The following CYB5R3 variants were observed in gnomAD, a reference collection of about 807,000 sequenced individuals.
The protein encoded by CYB5R3 is NADH-cytochrome b5 reductase 3.
Under a neutral mutation model 36.5 loss-of-function variants are expected in CYB5R3, and 28 were observed. That is an observed-to-expected ratio of 0.77 (90% confidence interval 0.57 to 1.05). The LOEUF is 1.05. Among genes scored for constraint, CYB5R3 ranks in the 50% least tolerant of loss-of-function variants. The probability of loss-of-function intolerance (pLI) is 0.00; values close to 1 mark genes in which losing one functional copy is unlikely to be tolerated. For missense variants in CYB5R3, 474 were observed against 408.9 expected (o/e 1.16, Z -1.37); for synonymous variants, 181 against 159.8 (o/e 1.13, Z -1.00).
Position 42,640,233 on chromosome 22 carries a change from T to C in CYB5R3, c.22-3387A>G, listed in dbSNP as rs769780072. ...AGTAAGTCACAGCAGCATTCACCAG[T>C]GCTGGGGTCTTCTCCACAAGGTTAC... is the stretch of plus-strand genomic sequence containing the variant. On this transcript the variant is annotated intron_variant, in intron 1 of 8. Transcript: ENST00000352397. 48 of 1,588,826 alleles carry C rather than the reference T, an allele frequency of 3.0e-5. No homozygotes were observed. In the African/African-American group the frequency reaches 4.7e-4, roughly 16 times the overall value.
chr22:42,631,333 G>A (rs1928604716), intron 3 of CYB5R3, 45 bp downstream of exon 3: 15 of 1,519,000 alleles, frequency 9.9e-6, no homozygotes, highest in Non-Finnish European at 1.3e-5. Flanking sequence ...TAGTGCCCCA[G>A]CAGCCTGCCG....
At chr22:42,639,827 G>T in intron 1 of CYB5R3, 2 of 1,025,832 alleles carry the variant, frequency 1.9e-6, no homozygotes, top group Non-Finnish European at 2.7e-6. Flanking sequence ...AACATGGGTT[G>T]GAACTGCTTG....
rs76854423 is a variant in CYB5R3, at chr22:42,640,350, CTTATTTATTTATTTAT to C, written c.22-3520_22-3505del. 6.8e-3 allele frequency: 3,259 copies of C among 476,976 alleles called. 185 individuals carry two copies. Among genetic ancestry groups the C allele is most frequent in the African/African-American group, 0.028 (1,276 of 46,350 alleles). The allele number at this position is 476,976 out of a possible 1,614,324, so 29.5% of individuals were successfully genotyped here. A position where few individuals can be genotyped will look rare whatever the true frequency, so the allele number is the denominator to read the frequency against. Reference sequence around the variant, plus strand: ...CCCCGGAAGGACCCTGCGTGGTTCACTTATTTATTTATTTATTTATTTATTTATTTATTTATTTATT... The same window carrying C: ...CCCCGGAAGGACCCTGCGTGGTTCACTTATTTATTTATTTATTTATTTATT... On this transcript the variant is annotated intron_variant, in intron 1 of 8. Coordinates refer to ENST00000352397, the MANE Select transcript of CYB5R3 (RefSeq NM_000398.7).
intron 1 of CYB5R3, among the ~76,000 whole-genome samples, chr22:42,641,107 G>A (rs1476907971): frequency 6.6e-6 from 1 of 151,640 alleles, no homozygotes; most frequent in Non-Finnish European, 1.5e-5. Flanking sequence ...CTCCTGCCTC[G>A]GCCTCCCAAA....
At position 42,649,339 on chromosome 22, in the gene CYB5R3, C is replaced by G. The variant is rs1336976060; in HGVS notation, c.-24G>C. 3.0e-6 allele frequency: 3 copies of G among 986,018 alleles called. No homozygotes were observed. Among genetic ancestry groups the G allele is most frequent in the East Asian group, 1.0e-4 (1 of 10,046 alleles). The allele number at this position is 986,018 out of a possible 1,614,324, so 61.1% of individuals were successfully genotyped here. On this transcript the variant is annotated 5_prime_UTR_variant, in exon 1 of 9. Transcript: ENST00000352397. ...ATGGTGGCCCCGCGCCGCGCTCGCT[C>G]TGTCGCCGCCGCCGCCGCCGCCGAG... is the stretch of plus-strand genomic sequence containing the variant.
chr22:42,630,740 C>T, intron 4 of CYB5R3, 142 bp downstream of exon 4: 1 of 735,852 alleles, frequency 1.4e-6, no homozygotes, highest in South Asian at 1.5e-5. Flanking sequence ...CCTGCAAGCC[C>T]CTGAGGAAGT....
intron 1 of CYB5R3, among the ~76,000 whole-genome samples, chr22:42,638,517 A>G (rs1209763929): frequency 5.4e-5 from 8 of 149,152 alleles, no homozygotes; most frequent in African/African-American, 2.0e-4. Context: ...CAGCCTGGGC[A>G]ACATAGCAAA....
rs1473997299 is a variant in CYB5R3 at position 42,618,962 on chromosome 22, CCT to C, written c.*809_*810del. On this transcript the variant is annotated 3_prime_UTR_variant, in exon 9 of 9. Transcript: ENST00000352397. ...GACAAGAGGCACTGCTCAGAATCCC[CCT>C]GTGCTGGGGGTGAGGGAAGGAGGGG... The C allele has an allele frequency of 2.6e-5, 4 of 152,330 alleles. No individual in the cohort carries two copies. The highest frequency in any genetic ancestry group is 2.4e-5 in the African/African-American group (1 of 41,438). 9.4% of individuals were successfully genotyped at this position (152,330 alleles called of 1,614,324 possible). A position where few individuals can be genotyped will look rare whatever the true frequency, so the allele number is the denominator to read the frequency against.
At chr22:42,620,216 G>A (rs1275677558) in intron 8 of CYB5R3, among the ~76,000 whole-genome samples, 2 of 152,198 alleles carry the variant, frequency 1.3e-5, no homozygotes, top group African/African-American at 4.8e-5. Flanking sequence ...CCTCCGGGGT[G>A]TCCCTTGGAA....
At chr22:42,631,480 T>A (rs1166747775) in intron 2 of CYB5R3, 30 bp from the exon 3 acceptor site, 8 of 1,550,056 alleles carry the variant, frequency 5.2e-6, no homozygotes, top group Non-Finnish European at 7.0e-6. Context: ...TGCTGAACGG[T>A]CCCCAGGGCA....
chr22:42,631,553 A>C (rs1928622552), intron 2 of CYB5R3, 103 bp from the exon 3 acceptor site: 1 of 1,003,848 alleles, frequency 1.0e-6, no homozygotes, highest in Non-Finnish European at 1.5e-6. Flanking sequence ...TTGTGTCCCC[A>C]CCCTTCCCCA....
rs557599152 is a variant in CYB5R3, at chr22:42,637,531, C to T, written c.22-685G>A. ...TTCTGCCATCAGGTGTAAGGGGAAG[C>T]GAAGCACTGAGCCAGGCACTGGGAA... On this transcript the variant is annotated intron_variant, in intron 1 of 8. Transcript: ENST00000352397. 5.3e-5 allele frequency among the ~76,000 whole-genome samples: 8 copies of T among 152,236 alleles called. No homozygotes were observed. The East Asian group carries it at 5.8e-4, about 11-fold the overall frequency.
At chr22:42,638,040 C>T (rs1206687255) in intron 1 of CYB5R3, among the ~76,000 whole-genome samples, 1 of 152,136 alleles carries the variant, frequency 6.6e-6, no homozygotes, top group African/African-American at 2.4e-5. Flanking sequence ...TTTGAGTCCA[C>T]GAGTTCAAGA....
chr22:42,639,855 TTTG>T, intron 1 of CYB5R3: 3 of 1,259,136 alleles, frequency 2.4e-6, no homozygotes, highest in Non-Finnish European at 2.1e-6. Flanking sequence ...TTTTTTTTTT[TTTG>T]GAATTTCTGA....
At chr22:42,621,623 G>A (rs1927975340) in intron 8 of CYB5R3, among the ~76,000 whole-genome samples, 1 of 152,240 alleles carries the variant, frequency 6.6e-6, no homozygotes, top group Non-Finnish European at 1.5e-5. Context: ...AAAAATGCTA[G>A]GAGATCACCC....
chr22:42,648,427 T>C (rs938452642), intron 1 of CYB5R3, among the ~76,000 whole-genome samples: 1 of 152,176 alleles, frequency 6.6e-6, no homozygotes, highest in Non-Finnish European at 1.5e-5. Flanking sequence ...AGCCTCACCA[T>C]GGTCAACTTT....
intron 1 of CYB5R3, among the ~76,000 whole-genome samples, chr22:42,638,419 A>AAAAT (rs200373318): frequency 2.9e-5 from 4 of 138,470 alleles, no homozygotes; most frequent in Admixed American, 7.3e-5. Flanking sequence ...AAAAAAAAAA[A>AAAAT]GTTAGCTGGT....
At chr22:42,630,512 C>T (rs1264155188) in intron 4 of CYB5R3, among the ~76,000 whole-genome samples, 1 of 152,210 alleles carries the variant, frequency 6.6e-6, no homozygotes, top group African/African-American at 2.4e-5. Flanking sequence ...TACCGCCAGC[C>T]GGCCTTCCTG....
intron 1 of CYB5R3, chr22:42,646,778 G>C: frequency 1.0e-6 from 1 of 986,610 alleles, no homozygotes; most frequent in Non-Finnish European, 1.2e-6. Flanking sequence ...TGGGAACTGT[G>C]GGGGAAGGGA....
Sources: gnomAD v4.1 joint callset for allele counts (sites outside exome capture counted in the v4.1 genomes callset) on GRCh38, gnomAD v4.1.1 for gene constraint, MANE v1.5 for transcripts, NCBI Gene and HGNC (gene_info 2026-07-23, HGNC 2026-07-21) for gene names.